FOCAD: variants seen among roughly 807,000 people sequenced by gnomAD.
The protein encoded by FOCAD is focadhesin, also known as KIAA1797.
Under a neutral mutation model 225.6 loss-of-function variants are expected in FOCAD, and 198 were observed. That is an observed-to-expected ratio of 0.88 (90% CI 0.78 to 0.99). FOCAD has a LOEUF of 0.99. Ranked by LOEUF, FOCAD falls within the 50% of genes least tolerant of loss-of-function variation. The pLI, the probability that FOCAD is intolerant of heterozygous loss-of-function variation, is 0.00. For missense variants in FOCAD, 2,713 were observed against 2,123.6 expected (o/e 1.28, Z -5.46); for synonymous variants, 897 against 755.0 (o/e 1.19, Z -3.08).
chr9:20,948,385 C>T lies in FOCAD; in HGVS notation c.3790C>T (p.Leu1264=). The change falls in exon 31 of 44, where the codon CTA becomes TTA. Residue 1264 remains leucine, a synonymous_variant. Coordinates refer to ENST00000338382, the MANE Select transcript of FOCAD (RefSeq NM_001375567.1). ...ACTCCCTGCCTGGATCAGAATTGTT[C>T]TAACAGAGGTAGAGGTCACCTGTTG... ...KLLPAWIRIV[L]TEGTPTMLCL... 6.2e-7 allele frequency: 1 copy of T among 1,611,392 alleles called. No individual in the cohort carries two copies. The highest frequency in any genetic ancestry group is 8.5e-7 in the Non-Finnish European group (1 of 1,178,388).
chr9:20,849,778 C>T (rs1827470043), intron 15 of FOCAD, among the ~76,000 whole-genome samples: 1 of 151,892 alleles, frequency 6.6e-6, no homozygotes. Context: ...CATTTATCTG[C>T]CTTAGATTAA....
At chr9:20,710,402 C>T (rs1231359598) in intron 1 of FOCAD, among the ~76,000 whole-genome samples, 1 of 151,774 alleles carries the variant, frequency 6.6e-6, no homozygotes, top group Admixed American at 6.6e-5. Context: ...TTGAGACCAG[C>T]CTCGCCAACA....
At chr9:20,669,215 G>A (rs1385468169) in intron 2 of FOCAD, among the ~76,000 whole-genome samples, 2 of 152,022 alleles carry the variant, frequency 1.3e-5, no homozygotes, top group Non-Finnish European at 2.9e-5. Context: ...TTGTGCAAGG[G>A]GAGGATCGGC....
chr9:20,674,285 CT>C (rs1443351703), intron 2 of FOCAD, among the ~76,000 whole-genome samples: 1 of 152,000 alleles, frequency 6.6e-6, no homozygotes, highest in Non-Finnish European at 1.5e-5. Context: ...ATGCTATTGT[CT>C]CTATGGTGGA....
intron 4 of FOCAD, among the ~76,000 whole-genome samples, chr9:20,727,536 G>A (rs973881917): frequency 1.3e-5 from 2 of 152,102 alleles, no homozygotes; most frequent in Non-Finnish European, 2.9e-5. Context: ...TTTTAAAGAA[G>A]CATTTTTTTG....
At chr9:20,760,512 G>A (rs113067026) in intron 6 of FOCAD, among the ~76,000 whole-genome samples, 5,042 of 152,266 alleles carry the variant, frequency 0.033, 122 homozygotes, top group Non-Finnish European at 0.048. Context: ...AAGCAGTGCT[G>A]TTTCCTTCTC....
chr9:20,978,253 A>G (rs1840380235), intron 36 of FOCAD, 86 bp from the exon 37 acceptor site: 3 of 765,212 alleles, frequency 3.9e-6, no homozygotes, highest in Middle Eastern at 2.8e-4. Context: ...TCACATAAGC[A>G]GATGCTTTGA....
chr9:20,875,999 T>A (rs966284062), intron 19 of FOCAD, among the ~76,000 whole-genome samples: 5 of 152,180 alleles, frequency 3.3e-5, no homozygotes, highest in African/African-American at 1.2e-4. Flanking sequence ...TAGCCTGTAA[T>A]GTTGGAAGTT....
intron 11 of FOCAD, among the ~76,000 whole-genome samples, chr9:20,793,313 T>C (rs1042069327): frequency 1.3e-5 from 2 of 152,190 alleles, no homozygotes; most frequent in African/African-American, 4.8e-5. Context: ...TGTTTATTTC[T>C]CCTTTGTAAA....
chr9:20,794,690 G>T (rs1386570324), intron 11 of FOCAD, among the ~76,000 whole-genome samples: 2 of 152,126 alleles, frequency 1.3e-5, no homozygotes, highest in Non-Finnish European at 2.9e-5. Flanking sequence ...TTTCAGAGAA[G>T]AACAGGAAAA....
At chr9:20,789,104 A>T (rs1407027856) in intron 10 of FOCAD, among the ~76,000 whole-genome samples, 1 of 151,962 alleles carries the variant, frequency 6.6e-6, no homozygotes, top group East Asian at 1.9e-4. Flanking sequence ...CTTAATGGGG[A>T]ATGAATGGTA....
At chr9:20,758,995 C>G (rs1198799438) in intron 6 of FOCAD, among the ~76,000 whole-genome samples, 2 of 152,078 alleles carry the variant, frequency 1.3e-5, no homozygotes, top group Admixed American at 6.6e-5. Flanking sequence ...AGAGCCAAAT[C>G]ATGAGTGAAC....
intron 35 of FOCAD, among the ~76,000 whole-genome samples, chr9:20,973,828 C>T (rs1384163625): frequency 8.6e-6 from 1 of 116,258 alleles, no homozygotes; most frequent in African/African-American, 3.2e-5. Context: ...CTAATTTGGC[C>T]TCTGCTTCTC....
chr9:20,700,161 T>C (rs1372264094), intron 1 of FOCAD, among the ~76,000 whole-genome samples: 1 of 152,102 alleles, frequency 6.6e-6, no homozygotes, highest in Non-Finnish European at 1.5e-5. Flanking sequence ...AAAGAAATTA[T>C]TTAAAATTCC....
At chr9:20,736,318 C>T (rs1207615814) in intron 4 of FOCAD, among the ~76,000 whole-genome samples, 1 of 152,110 alleles carries the variant, frequency 6.6e-6, no homozygotes, top group African/African-American at 2.4e-5. Flanking sequence ...GATGTAAGTG[C>T]AGTGAAATTT....
At chr9:20,992,981 A>G (rs1157586718) in intron 42 of FOCAD, among the ~76,000 whole-genome samples, 1 of 151,968 alleles carries the variant, frequency 6.6e-6, no homozygotes, top group Non-Finnish European at 1.5e-5. Context: ...AAACTCCTGT[A>G]TCAGCTCTCA....
intron 40 of FOCAD, among the ~76,000 whole-genome samples, chr9:20,987,481 C>A (rs1841293109): frequency 6.6e-6 from 1 of 151,370 alleles, no homozygotes; most frequent in Admixed American, 6.6e-5. Context: ...GCACTCCAGC[C>A]TGGGTGACAG....
intron 35 of FOCAD, among the ~76,000 whole-genome samples, chr9:20,955,598 T>C (rs1202825544): frequency 6.6e-6 from 1 of 151,348 alleles, no homozygotes; most frequent in Non-Finnish European, 1.5e-5. Context: ...CTATCAGATA[T>C]ATTGTTCCTT....
chr9:20,790,623 T>C (rs2150999), intron 11 of FOCAD, among the ~76,000 whole-genome samples: 80,993 of 151,894 alleles, frequency 0.53, 23,051 homozygotes, highest in Non-Finnish European at 0.64. Flanking sequence ...ATTCAAAAAT[T>C]AGTCGGGTGC....
Sources: gnomAD v4.1 joint callset for allele counts (sites outside exome capture counted in the v4.1 genomes callset) on GRCh38, gnomAD v4.1.1 for gene constraint, MANE v1.5 for transcripts, NCBI Gene and HGNC (gene_info 2026-07-23, HGNC 2026-07-21) for gene names.